The following TACC3 variants were observed in gnomAD, a reference collection of about 807,000 sequenced individuals.
The protein encoded by TACC3 is transforming acidic coiled-coil-containing protein 3.
A neutral mutation model predicts 86.0 loss-of-function variants in TACC3; 52 were observed. The ratio of observed to expected loss-of-function variants is 0.60; its 90% CI spans 0.48 to 0.76. TACC3 has a LOEUF of 0.76. TACC3 is among the 30% of genes least tolerant of loss of function. The pLI is 0.00. For synonymous variants in TACC3, 512 were observed against 430.0 expected, an observed-to-expected ratio of 1.19 and a Z score of -2.36; for missense variants, 1,120 against 1,070.4, an observed-to-expected ratio of 1.05 and a Z score of -0.65.
chr4:1,723,717 C>T lies in TACC3; in HGVS notation c.163-11C>T, dbSNP rs1560291264. On this transcript the variant is annotated splice_polypyrimidine_tract_variant and intron_variant, in intron 2 of 15. Coordinates refer to ENST00000313288, the MANE Select transcript of TACC3 (RefSeq NM_006342.3). ...TAATGAATAGGTGCTCTCCTCCTCA[C>T]TCCGCAACAGGTGACTTTTCAGACA... The T allele has an allele frequency of 6.2e-7, 1 of 1,613,664 alleles. No individual in the cohort carries two copies. Among genetic ancestry groups the T allele is most frequent in the Non-Finnish European group, 8.5e-7 (1 of 1,180,000 alleles).
Position 1,728,025 on chromosome 4 carries a change from C to T in TACC3, c.623C>T (p.Thr208Ile). 6.2e-7 allele frequency: 1 copy of T among 1,613,186 alleles called. No individual in the cohort carries two copies. Among genetic ancestry groups the T allele is most frequent in the Non-Finnish European group, 8.5e-7 (1 of 1,180,044 alleles). ...ASETLEDPCR[T>I]ESQHKAETPH... ...GAGACCCTAGAAGACCCTTGCAGGA[C>T]AGAGTCCCAGCACAAAGCGGAGACT... is the stretch of plus-strand genomic sequence containing the variant. Residue 208 changes from threonine (T) to isoleucine (I), a missense_variant, in exon 4 of 16, where the codon ACA becomes ATA. Transcript: ENST00000313288.
Position 1,728,744 on chromosome 4 carries a change from C to T in TACC3, c.1342C>T (p.His448Tyr). Residue 448 changes from histidine to tyrosine, a missense_variant, in exon 4 of 16, where the codon CAT becomes TAT. Transcript: ENST00000313288. ...RLGQPAAEQL[H>Y]AGPATEEPGP... ...GGGCCAGCCAGCGGCTGAACAGTTGCATGCTGGGCCTGCCACGGAGGAGCC... is the reference window on the plus strand; with the variant it reads ...GGGCCAGCCAGCGGCTGAACAGTTGTATGCTGGGCCTGCCACGGAGGAGCC... 2.5e-6 allele frequency: 4 copies of T among 1,611,908 alleles called. No individual in the cohort carries two copies. The highest frequency in any genetic ancestry group is 3.4e-6 in the Non-Finnish European group (4 of 1,179,570).
chr4:1,743,424 G>A (rs1470845351), intron 13 of TACC3, among the ~76,000 whole-genome samples: 6 of 152,012 alleles, frequency 3.9e-5, no homozygotes, highest in African/African-American at 1.2e-4. Context: ...ATGGTGGCAC[G>A]CACCTGTAGT....
chr4:1,738,203 C>T (rs1718387626), intron 10 of TACC3: 1 of 289,242 alleles, frequency 3.5e-6, no homozygotes, highest in African/African-American at 2.2e-5. Flanking sequence ...GAGCTGTAGG[C>T]ACACAAAGGG....
In TACC3 at chr4:1,745,110, C is replaced by T; in HGVS notation, c.*97C>T. ...GTTCTTTTTTCTGTCTTGTCTTCAACTTTTTTAAAAACTAGATTGCTTTGA... is the reference window on the plus strand; with the variant it reads ...GTTCTTTTTTCTGTCTTGTCTTCAATTTTTTTAAAAACTAGATTGCTTTGA... On this transcript the variant is annotated 3_prime_UTR_variant, in exon 16 of 16. Transcript: ENST00000313288. 1 of 1,298,000 alleles carries T rather than the reference C, an allele frequency of 7.7e-7. No individual in the cohort carries two copies. Among genetic ancestry groups the T allele is most frequent in the Non-Finnish European group, 1.1e-6 (1 of 943,094 alleles). The allele number at this position is 1,298,000 out of a possible 1,614,324, so 80.4% of individuals were successfully genotyped here.
chr4:1,742,705 A>C (rs1309247829), intron 13 of TACC3, among the ~76,000 whole-genome samples: 1 of 152,066 alleles, frequency 6.6e-6, no homozygotes, highest in Non-Finnish European at 1.5e-5. Context: ...AGGCTGAGGT[A>C]GGAGAATCAC....
At chr4:1,744,043 A>G (rs28420470) in intron 13 of TACC3, among the ~76,000 whole-genome samples, 60,995 of 151,862 alleles carry the variant, frequency 0.4, 12,612 homozygotes, top group Non-Finnish European at 0.46. Flanking sequence ...CCCCTCAGTT[A>G]GGGCTTCTCA....
chr4:1,733,500 CTTT>C (rs138425686), intron 6 of TACC3, among the ~76,000 whole-genome samples: 1 of 110,626 alleles, frequency 9.0e-6, no homozygotes, highest in Non-Finnish European at 1.9e-5. Flanking sequence ...CAAAAAAAAC[CTTT>C]TTTTTTATTA....
rs771485758 is a variant in TACC3 at position 1,730,941 on chromosome 4, G to C, written c.1440G>C (p.Glu480Asp). Reference sequence around the variant, plus strand: ...CGCCTGTGGTGCAGTTGGCAGCCGAGACCCCAACAGCAGAGAGCAAGGTAA... The same window carrying C: ...CGCCTGTGGTGCAGTTGGCAGCCGACACCCCAACAGCAGAGAGCAAGGTAA... ...EDTPVVQLAAETPTAESKERA... is the reference protein window; with the variant it reads ...EDTPVVQLAADTPTAESKERA... Residue 480 changes from glutamate (E) to aspartate (D), a missense_variant, in exon 5 of 16, where the codon GAG becomes GAC. Coordinates refer to ENST00000313288, the MANE Select transcript of TACC3 (RefSeq NM_006342.3). 6.2e-7 allele frequency: 1 copy of C among 1,613,474 alleles called. No homozygotes were observed. Among genetic ancestry groups the C allele is most frequent in the South Asian group, 1.1e-5 (1 of 91,080 alleles).
At chr4:1,743,320 C>T (rs1216594244) in intron 13 of TACC3, among the ~76,000 whole-genome samples, 5 of 151,272 alleles carry the variant, frequency 3.3e-5, no homozygotes, top group Non-Finnish European at 7.4e-5. Flanking sequence ...TTTGGGAGGC[C>T]GAGGCGGGTG....
chr4:1,723,460 T>C lies in TACC3; in HGVS notation c.39T>C (p.Asn13=). The change falls in exon 2 of 16, where the codon AAT becomes AAC. Residue 13 remains asparagine (N), a synonymous_variant. Transcript: ENST00000313288. ...TCTTAAACGACAAAAATGTCAGCAA[T>C]GAAAAAAATACAGAAAATTGCGACT... ...LQVLNDKNVS[N]EKNTENCDFL... 1 of 1,613,470 alleles carries C rather than the reference T, an allele frequency of 6.2e-7. No homozygotes were observed. The highest frequency in any genetic ancestry group is 8.5e-7 in the Non-Finnish European group (1 of 1,179,926).
At chr4:1,742,866 A>G (rs1718661550) in intron 13 of TACC3, among the ~76,000 whole-genome samples, 1 of 150,528 alleles carries the variant, frequency 6.6e-6, no homozygotes, top group African/African-American at 2.4e-5. Context: ...TACTCAGGAA[A>G]CTGAGACAGA....
chr4:1,736,422 C>CAAAAAAAAAAAAAAAA, intron 8 of TACC3, among the ~76,000 whole-genome samples: 1 of 65,826 alleles, frequency 1.5e-5, no homozygotes, highest in Non-Finnish European at 2.5e-5. Flanking sequence ...GACTCCATCT[C>CAAAAAAAAAAAAAAAA]AAAAAAAAAA....
At position 1,744,942 on chromosome 4, in the gene TACC3, C is replaced by T. The variant is rs1245611835; in HGVS notation, c.2452-6C>T. On this transcript the variant is annotated splice_region_variant and splice_polypyrimidine_tract_variant and intron_variant, in intron 15 of 15. Coordinates refer to ENST00000313288, the MANE Select transcript of TACC3 (RefSeq NM_006342.3). ...AGAAGCCCCGCAACTCATCTTCCTCCTCCAGACTAAAGAGAACGAGGAGCT... is the reference window on the plus strand; with the variant it reads ...AGAAGCCCCGCAACTCATCTTCCTCTTCCAGACTAAAGAGAACGAGGAGCT... The T allele has an allele frequency of 8.1e-6, 13 of 1,611,994 alleles. No individual in the cohort carries two copies. The highest frequency in any genetic ancestry group is 1.7e-5 in the Admixed American group (1 of 59,862).
At chr4:1,726,265 C>T (rs567214630) in intron 3 of TACC3, among the ~76,000 whole-genome samples, 78 of 152,320 alleles carry the variant, frequency 5.1e-4, no homozygotes, top group African/African-American at 1.7e-3. Flanking sequence ...CCCAGGGAGG[C>T]GTCGCAGAGG....
At position 1,735,285 on chromosome 4, in the gene TACC3, G is replaced by T; in HGVS notation, c.1604G>T (p.Gly535Val). The change falls in exon 7 of 16, where the codon GGC (glycine) becomes GTC (valine). Residue 535 changes from glycine to valine, a missense_variant. Transcript: ENST00000313288. The surrounding 1 kb of genome is among the most constrained non-coding windows in gnomAD (Gnocchi z 4.2). ...TCACTCCTCTCAGTTCTAGGCACGG[G>T]CGCGGAGGTGGATTACCTGGAGCAG... ...FRDPAEVLGT[G>V]AEVDYLEQFG... 1 of 1,614,042 alleles carries T rather than the reference G, an allele frequency of 6.2e-7. No homozygotes were observed. The highest frequency in any genetic ancestry group is 1.1e-5 in the South Asian group (1 of 91,088).
intron 1 of TACC3, 69 bp from the exon 2 acceptor site, chr4:1,723,352 T>C: frequency 6.5e-7 from 1 of 1,535,492 alleles, no homozygotes; most frequent in Non-Finnish European, 8.9e-7. Context: ...GCAGCAGCTG[T>C]CACGTCTGTG....
intron 9 of TACC3, 39 bp from the exon 10 acceptor site, chr4:1,737,559 G>A: frequency 6.9e-7 from 1 of 1,450,472 alleles, no homozygotes; most frequent in Non-Finnish European, 9.2e-7. Flanking sequence ...TAAGAGGCAA[G>A]GGCGAAATGG....
At chr4:1,739,637 G>T in intron 10 of TACC3, 65 bp from the exon 11 acceptor site, 2 of 1,468,954 alleles carry the variant, frequency 1.4e-6, no homozygotes, top group Non-Finnish European at 1.9e-6. Flanking sequence ...GCCCCATCCT[G>T]TGGGGAGGTC....
Sources: allele counts gnomAD v4.1 joint callset (sites outside exome capture counted in the v4.1 genomes callset), GRCh38; gene constraint gnomAD v4.1.1; non-coding constraint Gnocchi (gnomAD v3.1); transcripts MANE v1.5; gene names NCBI Gene and HGNC (gene_info 2026-07-23, HGNC 2026-07-21).